Variants in HAUS7 observed in about 807,000 individuals in gnomAD.
HAUS7 encodes the protein HAUS augmin like complex subunit 7, also known as HAUS augmin-like complex subunit 7.
In HAUS7, 3 loss-of-function variants were observed where a neutral mutation model predicts 28.4. The observed-to-expected ratio is 0.11, with a 90% CI of 0.05 to 0.27. HAUS7 has a LOEUF of 0.27. Ranked by LOEUF, HAUS7 falls within the 10% of genes least tolerant of loss-of-function variation. The pLI is 1.00. For missense variants in HAUS7, 284 were observed against 297.3 expected (o/e 0.96, Z 0.33); for synonymous variants, 165 against 132.1 (o/e 1.25, Z -1.71).
chrX:153,457,713 G>C (rs1226765939), intron 4 of HAUS7, among the ~76,000 whole-genome samples: 1 of 113,194 alleles, frequency 8.8e-6, no homozygotes, highest in Non-Finnish European at 1.9e-5. Flanking sequence ...GAAGGCCCAG[G>C]CTCCAGGAGC....
chrX:153,469,345 G>T, intron 1 of HAUS7, 84 bp from the exon 2 acceptor site: 5 of 482,132 alleles, frequency 1.0e-5, no homozygotes, highest in Non-Finnish European at 1.8e-5. Context: ...TTTTTGAGAC[G>T]GAGTCTCACT....
chrX:153,481,676 C>A, intron 1 of HAUS7: 1 of 754,364 alleles, frequency 1.3e-6, no homozygotes, highest in Non-Finnish European at 1.6e-6. Flanking sequence ...CCCACACCCA[C>A]CCCTGCAGCA....
At chrX:153,488,161 TC>T (rs2089650170) in intron 1 of HAUS7, among the ~76,000 whole-genome samples, 1 of 113,054 alleles carries the variant, frequency 8.8e-6, no homozygotes, top group Non-Finnish European at 1.9e-5. Context: ...GTCCCTGTCC[TC>T]TGTCCCTCTA....
chrX:153,471,039 C>A, upstream of HAUS7: 2 of 324,611 alleles, frequency 6.2e-6, no homozygotes, highest in South Asian at 5.2e-5. Flanking sequence ...CTAAGGGGCA[C>A]CCTGGTTCCC....
intron 9 of HAUS7, among the ~76,000 whole-genome samples, chrX:153,452,648 G>A (rs1335274858): frequency 8.9e-6 from 1 of 112,235 alleles, no homozygotes; most frequent in Non-Finnish European, 1.9e-5. Flanking sequence ...GATGCTAACT[G>A]TAATTCTAAA....
rs782195312 is a variant in HAUS7, at chrX:153,447,807, A to G, written c.*71T>C. On this transcript the variant is annotated 3_prime_UTR_variant, in exon 10 of 10. Transcript: ENST00000370211. ...TGCCACAATCATCCATCCTCGGCCA[A>G]CTCGATCTTGGGAGAGGGCTTCCTG... 2 of 900,755 alleles carry G rather than the reference A, an allele frequency of 2.2e-6. No individual in the cohort carries two copies. The highest frequency in any genetic ancestry group is 3.3e-6 in the Non-Finnish European group (2 of 610,781). 74.2% of individuals were successfully genotyped at this position (900,755 alleles called of 1,213,427 possible).
chrX:153,486,546 G>C (rs1283666926), intron 1 of HAUS7: 10 of 745,391 alleles, frequency 1.3e-5, no homozygotes, highest in African/African-American at 2.2e-5. Flanking sequence ...CTCAGGGCAG[G>C]GGTCTCTGTC....
At chrX:153,448,519 T>C (rs1602923129) in intron 9 of HAUS7, among the ~76,000 whole-genome samples, 1 of 110,217 alleles carries the variant, frequency 9.1e-6, no homozygotes, top group East Asian at 2.8e-4. Context: ...GTTGTGCACA[T>C]GTACCCTAGA....
intron 1 of HAUS7, among the ~76,000 whole-genome samples, chrX:153,488,563 C>G (rs1168779419): frequency 8.9e-6 from 1 of 112,534 alleles, no homozygotes; most frequent in Non-Finnish European, 1.9e-5. Flanking sequence ...GGACTCGTCC[C>G]GGCATTCCTT....
chrX:153,449,048 G>A (rs1377386537), intron 9 of HAUS7, among the ~76,000 whole-genome samples: 13 of 111,765 alleles, frequency 1.2e-4, no homozygotes, highest in Admixed American at 2.8e-4. Context: ...TGGTGGCTGC[G>A]CTGACCTTAT....
upstream of HAUS7, among the ~76,000 whole-genome samples, chrX:153,472,682 G>A (rs1483370784): frequency 4.6e-5 from 5 of 108,805 alleles, no homozygotes; most frequent in South Asian, 1.2e-3. Context: ...GGGAGCTCCC[G>A]GTCCTAGAAG....
rs1556984745 is a variant in HAUS7, at chrX:153,469,133, A to T, written c.224+13T>A. The T allele has an allele frequency of 1.0e-5, 10 of 990,169 alleles. No homozygotes were observed. In the South Asian group the frequency reaches 1.4e-4, roughly 13 times the overall value. The allele number at this position is 990,169 out of a possible 1,213,427, so 81.6% of individuals were successfully genotyped here. ...ACACCCCAGGTGGGAAGAGGAAGAA[A>T]CTGATGCATTACCGGGTACACATCC... On this transcript the variant is annotated intron_variant, in intron 2 of 9. Coordinates refer to ENST00000370211, the MANE Select transcript of HAUS7 (RefSeq NM_001385482.1).
intron 9 of HAUS7, among the ~76,000 whole-genome samples, chrX:153,449,829 T>C (rs2089215678): frequency 1.8e-5 from 2 of 112,462 alleles, no homozygotes; most frequent in Admixed American, 1.9e-4. Context: ...GGCTGGGGCC[T>C]GTGTGATGCT....
chrX:153,457,398 G>A (rs781806801), intron 4 of HAUS7, among the ~76,000 whole-genome samples, 170 bp from the exon 5 acceptor site: 2 of 113,349 alleles, frequency 1.8e-5, no homozygotes, highest in African/African-American at 6.4e-5. Flanking sequence ...GGACTAGCAA[G>A]TGCTCCCTGC....
intron 1 of HAUS7, among the ~76,000 whole-genome samples, chrX:153,476,559 C>T (rs1556986283): frequency 8.9e-6 from 1 of 111,984 alleles, no homozygotes; most frequent in East Asian, 2.8e-4. Flanking sequence ...GATTGTACAA[C>T]TAGAAGCGAC....
At chrX:153,487,881 G>A (rs945392792) in intron 1 of HAUS7, among the ~76,000 whole-genome samples, 5 of 112,796 alleles carry the variant, frequency 4.4e-5, no homozygotes, top group South Asian at 3.6e-4. Context: ...CGGAGCCCTC[G>A]AAGGCCACTG....
rs782750935 is a variant in HAUS7, at chrX:153,447,789, A to G, written c.*89T>C. On this transcript the variant is annotated 3_prime_UTR_variant, in exon 10 of 10. Transcript: ENST00000370211. ...GGCTGCAACGGCTTCTGCTGCCACA[A>G]TCATCCATCCTCGGCCAACTCGATC... 1.3e-5 allele frequency: 10 copies of G among 768,558 alleles called. No individual in the cohort carries two copies. Among genetic ancestry groups the G allele is most frequent in the African/African-American group, 8.1e-5 (4 of 49,115 alleles). The allele number at this position is 768,558 out of a possible 1,213,427, so 63.3% of individuals were successfully genotyped here.
chrX:153,494,425 C>T (rs868939948), intron 1 of HAUS7, among the ~76,000 whole-genome samples: 77 of 112,042 alleles, frequency 6.9e-4, no homozygotes, highest in Non-Finnish European at 1.1e-3. Flanking sequence ...GGGCACAGGG[C>T]GCCAGGAGCC....
intron 1 of HAUS7, among the ~76,000 whole-genome samples, chrX:153,488,891 G>A (rs1336132274): frequency 2.7e-5 from 3 of 113,092 alleles, no homozygotes; most frequent in African/African-American, 3.2e-5. Flanking sequence ...GGAGGGCAGG[G>A]GCCAGGCAGG....
Sources: gnomAD v4.1 joint callset for allele counts (sites outside exome capture counted in the v4.1 genomes callset) on GRCh38, gnomAD v4.1.1 for gene constraint, MANE v1.5 for transcripts, NCBI Gene and HGNC (gene_info 2026-07-23, HGNC 2026-07-21) for gene names.